DOCK3: variants seen among roughly 807,000 people sequenced by gnomAD.
DOCK3 encodes dedicator of cytokinesis protein 3.
DOCK3 carries 60 observed loss-of-function variants against 265.6 expected under a neutral mutation model. The observed-to-expected ratio is 0.23, with a 90% CI of 0.18 to 0.28. DOCK3 has a LOEUF of 0.28. Ranked by LOEUF, DOCK3 falls within the 10% of genes least tolerant of loss-of-function variation. DOCK3 has a pLI of 1.00. For synonymous variants in DOCK3, 881 were observed against 938.0 expected (o/e 0.94, Z 1.11); for missense variants, 1,981 against 2,594.3 (o/e 0.76, Z 5.14).
At chr3:50,795,946 G>A (rs1051801524) in intron 2 of DOCK3, among the ~76,000 whole-genome samples, 1 of 151,964 alleles carries the variant, frequency 6.6e-6, no homozygotes, top group Non-Finnish European at 1.5e-5. Flanking sequence ...CTCTGTTATC[G>A]CAATGGTCTT....
At chr3:51,323,748 G>A (rs555105145) in intron 32 of DOCK3, among the ~76,000 whole-genome samples, 1 of 152,196 alleles carries the variant, frequency 6.6e-6, no homozygotes, top group East Asian at 1.9e-4. Context: ...ATCTACAATT[G>A]ACACTCTAAC....
rs559829759 is a variant in DOCK3 at position 50,722,697 on chromosome 3, A to G, written c.37+47397A>G. Reference sequence around the variant, plus strand: ...GCAAATAGGGGACTTTAGTATTGTAATAAATATACTAAAGCCTGTAGGGGA... The same window carrying G: ...GCAAATAGGGGACTTTAGTATTGTAGTAAATATACTAAAGCCTGTAGGGGA... On this transcript the variant is annotated intron_variant, in intron 1 of 52. Coordinates refer to ENST00000266037, the MANE Select transcript of DOCK3 (RefSeq NM_004947.5). Among the ~76,000 whole-genome samples the G allele has an allele frequency of 7.9e-5, 12 of 152,254 alleles. No homozygotes were observed. In the East Asian group the frequency reaches 1.7e-3, roughly 22 times the overall value.
chr3:51,089,194 T>A, intron 7 of DOCK3, 49 bp from the exon 8 acceptor site: 1 of 1,559,136 alleles, frequency 6.4e-7, no homozygotes, highest in African/African-American at 1.4e-5. Flanking sequence ...CTTAATAAAA[T>A]TTAGTTTCTT....
chr3:51,317,872 T>C (rs1390725076), intron 32 of DOCK3, among the ~76,000 whole-genome samples: 2 of 152,178 alleles, frequency 1.3e-5, no homozygotes, highest in Admixed American at 1.3e-4. Context: ...AGTATGTTTA[T>C]TCTTTCATCA....
At chr3:50,910,758 A>G (rs2049811302) in intron 4 of DOCK3, among the ~76,000 whole-genome samples, 1 of 152,200 alleles carries the variant, frequency 6.6e-6, no homozygotes, top group Non-Finnish European at 1.5e-5. Context: ...TTGTCTCTCC[A>G]TGTGCTGATG....
intron 1 of DOCK3, among the ~76,000 whole-genome samples, chr3:50,713,722 A>G (rs1415680500): frequency 6.6e-6 from 1 of 151,852 alleles, no homozygotes; most frequent in Admixed American, 6.6e-5. Flanking sequence ...AGATTTCGCC[A>G]TTTGGATGTC....
chr3:50,706,494 G>A (rs186421194), intron 1 of DOCK3, among the ~76,000 whole-genome samples: 21 of 152,122 alleles, frequency 1.4e-4, no homozygotes, highest in African/African-American at 4.8e-4. Context: ...TATGTTATTC[G>A]ATGCTTTTTT....
intron 1 of DOCK3, among the ~76,000 whole-genome samples, chr3:50,752,413 G>A (rs570999908): frequency 6.6e-6 from 1 of 152,028 alleles, no homozygotes; most frequent in Non-Finnish European, 1.5e-5. Context: ...GGAGGCTGAG[G>A]CAGGAGAATC....
intron 5 of DOCK3, among the ~76,000 whole-genome samples, chr3:50,990,031 T>C (rs758983479): frequency 6.6e-6 from 1 of 152,032 alleles, no homozygotes; most frequent in Non-Finnish European, 1.5e-5. Flanking sequence ...AATAGCAGAA[T>C]GAACCAAGCT....
At chr3:51,352,962 T>A (rs933033349) in intron 40 of DOCK3, among the ~76,000 whole-genome samples, 2 of 152,222 alleles carry the variant, frequency 1.3e-5, no homozygotes, top group Admixed American at 1.3e-4. Flanking sequence ...TTACTTTAGC[T>A]CTATCAGCTT....
At chr3:51,313,387 A>T (rs1195288690) in intron 31 of DOCK3, among the ~76,000 whole-genome samples, 1 of 152,216 alleles carries the variant, frequency 6.6e-6, no homozygotes, top group Admixed American at 6.5e-5. Context: ...AGTTGCATGG[A>T]GTAACATATA....
At chr3:51,195,473 G>A (rs1487768411) in intron 12 of DOCK3, among the ~76,000 whole-genome samples, 3 of 152,008 alleles carry the variant, frequency 2.0e-5, no homozygotes, top group Non-Finnish European at 4.4e-5. Flanking sequence ...GGAGTGCAGT[G>A]GTGAGATCTC....
At chr3:50,881,798 G>A (rs369713112) in intron 3 of DOCK3, among the ~76,000 whole-genome samples, 2 of 152,068 alleles carry the variant, frequency 1.3e-5, no homozygotes, top group East Asian at 3.9e-4. Context: ...AAAGGAGCCC[G>A]CATTGCCCAG....
intron 5 of DOCK3, among the ~76,000 whole-genome samples, chr3:50,970,073 A>G (rs2077153133): frequency 6.6e-6 from 1 of 151,646 alleles, no homozygotes; most frequent in Non-Finnish European, 1.5e-5. Flanking sequence ...CTCCATCTTA[A>G]AAAAGAAAAG....
At chr3:50,844,506 C>G (rs2045988455) in intron 3 of DOCK3, among the ~76,000 whole-genome samples, 1 of 152,098 alleles carries the variant, frequency 6.6e-6, no homozygotes, top group Non-Finnish European at 1.5e-5. Flanking sequence ...CAGACATGAG[C>G]CACCGTGCCT....
chr3:51,055,305 T>G (rs73833978), intron 5 of DOCK3, among the ~76,000 whole-genome samples: 8,485 of 152,226 alleles, frequency 0.056, 848 homozygotes, highest in African/African-American at 0.19. Context: ...TTCAGAGATT[T>G]CTGGTACCTC....
intron 5 of DOCK3, among the ~76,000 whole-genome samples, chr3:50,974,531 T>C (rs1229348568): frequency 1.3e-5 from 2 of 151,910 alleles, no homozygotes; most frequent in East Asian, 1.9e-4. Context: ...CATGCTGTTT[T>C]GGTTACTGTA....
At chr3:50,885,747 T>C (rs1175761340) in intron 3 of DOCK3, among the ~76,000 whole-genome samples, 1 of 151,970 alleles carries the variant, frequency 6.6e-6, no homozygotes, top group Non-Finnish European at 1.5e-5. Flanking sequence ...GGTTTTGGGG[T>C]CCCTAAACAG....
rs1400587400 is a variant in DOCK3, at chr3:51,064,604, T to C, written c.464+8T>C. On this transcript the variant is annotated splice_region_variant and intron_variant, in intron 6 of 52. Coordinates refer to ENST00000266037, the MANE Select transcript of DOCK3 (RefSeq NM_004947.5). ...CCTGGACTGGGGTAATGAGTAAGTA[T>C]GAAAATTGTTTGGGTATCTCTCAGT... is the stretch of plus-strand genomic sequence containing the variant. 6.2e-7 allele frequency: 1 copy of C among 1,611,770 alleles called. No homozygotes were observed. The highest frequency in any genetic ancestry group is 8.5e-7 in the Non-Finnish European group (1 of 1,178,156).
Sources: allele counts gnomAD v4.1 joint callset (sites outside exome capture counted in the v4.1 genomes callset), GRCh38; gene constraint gnomAD v4.1.1; transcripts MANE v1.5; gene names NCBI Gene and HGNC (gene_info 2026-07-23, HGNC 2026-07-21).